ITPR1: variants seen among roughly 807,000 people sequenced by gnomAD.
ITPR1 encodes the protein inositol 1,4,5-trisphosphate-gated calcium channel ITPR1.
Under a neutral mutation model 318.4 loss-of-function variants are expected in ITPR1, and 96 were observed. The observed-to-expected ratio is 0.30, with a 90% CI of 0.26 to 0.36. The LOEUF (loss-of-function observed/expected upper bound fraction) is 0.36. Among genes scored for constraint, ITPR1 ranks in the 10% least tolerant of loss-of-function variants. ITPR1 has a pLI of 1.00. For synonymous variants in ITPR1, 1,312 were observed against 1,289.9 expected (o/e 1.02, Z -0.37); for missense variants, 2,440 against 3,460.2 (o/e 0.71, Z 7.40).
intron 4 of ITPR1, among the ~76,000 whole-genome samples, chr3:4,620,333 C>A (rs1259238215): frequency 6.6e-6 from 1 of 152,166 alleles, no homozygotes; most frequent in African/African-American, 2.4e-5. Flanking sequence ...TAGTCTCCTG[C>A]AGGGTTTGAG....
intron 4 of ITPR1, among the ~76,000 whole-genome samples, chr3:4,620,927 C>CG (rs1395180663): frequency 6.6e-6 from 1 of 152,026 alleles, no homozygotes; most frequent in Non-Finnish European, 1.5e-5. Context: ...CTGCCACCCC[C>CG]CACCCTCTGA....
intron 4 of ITPR1, among the ~76,000 whole-genome samples, chr3:4,598,569 C>T (rs1014796058): frequency 2.6e-5 from 4 of 152,050 alleles, no homozygotes; most frequent in Non-Finnish European, 5.9e-5. Flanking sequence ...TTGCAGTGAG[C>T]CATGATCACA....
rs2051762693 is a variant in ITPR1, at chr3:4,846,132, T to C, written c.8191-7T>C. On this transcript the variant is annotated splice_region_variant and splice_polypyrimidine_tract_variant and intron_variant, in intron 61 of 61. Coordinates refer to ENST00000649015, the MANE Select transcript of ITPR1 (RefSeq NM_001378452.1). ...GGGTCTAATGATGAAACTTTTTAAC[T>C]TTCCAGATGACAGAACAAAGGAAGC... 3 of 1,540,904 alleles carry C rather than the reference T, an allele frequency of 1.9e-6. No individual in the cohort carries two copies. The highest frequency in any genetic ancestry group is 2.4e-5 in the South Asian group (2 of 82,280).
At chr3:4,604,225 A>G (rs1395748600) in intron 4 of ITPR1, among the ~76,000 whole-genome samples, 1 of 152,132 alleles carries the variant, frequency 6.6e-6, no homozygotes, top group Non-Finnish European at 1.5e-5. Context: ...GAGGTTATGG[A>G]AGACTTCTGT....
chr3:4,763,511 T>C (rs558478331), intron 44 of ITPR1, among the ~76,000 whole-genome samples: 1 of 152,360 alleles, frequency 6.6e-6, no homozygotes, highest in South Asian at 2.1e-4. Flanking sequence ...GAGCCCAGCC[T>C]GGGACTCCTC....
chr3:4,571,656 C>A (rs939666587), intron 4 of ITPR1, among the ~76,000 whole-genome samples: 5 of 152,124 alleles, frequency 3.3e-5, no homozygotes, highest in African/African-American at 1.2e-4. Flanking sequence ...TTACCTACCA[C>A]ACGTGTTGTC....
intron 61 of ITPR1, among the ~76,000 whole-genome samples, chr3:4,837,707 C>T (rs2051029770): frequency 1.3e-5 from 2 of 152,008 alleles, no homozygotes; most frequent in Admixed American, 6.6e-5. Flanking sequence ...TCTGTTTCTG[C>T]CCTTTTGACT....
chr3:4,810,264 A>G (rs148364667), intron 55 of ITPR1, among the ~76,000 whole-genome samples: 156 of 152,346 alleles, frequency 1.0e-3, no homozygotes, highest in Middle Eastern at 6.8e-3. Flanking sequence ...GACAGCAGCC[A>G]GAGGCCATGC....
chr3:4,733,548 G>A (rs369642340), intron 43 of ITPR1, among the ~76,000 whole-genome samples: 7 of 152,206 alleles, frequency 4.6e-5, no homozygotes, highest in Non-Finnish European at 7.4e-5. Context: ...TTGTCTTTCC[G>A]TAAAATAATG....
chr3:4,815,985 T>TAC (rs10607666), intron 59 of ITPR1, among the ~76,000 whole-genome samples: 7,953 of 149,634 alleles, frequency 0.053, 360 homozygotes, highest in African/African-American at 0.12. Flanking sequence ...ATTTGCTTTA[T>TAC]ACACACACAC....
At chr3:4,496,340 C>T in intron 2 of ITPR1, among the ~76,000 whole-genome samples, 1 of 147,318 alleles carries the variant, frequency 6.8e-6, no homozygotes, top group South Asian at 2.2e-4. Flanking sequence ...TGTGTGTATG[C>T]ATATGTACAC....
intron 4 of ITPR1, among the ~76,000 whole-genome samples, chr3:4,531,529 G>A (rs966065709): frequency 1.3e-5 from 2 of 152,112 alleles, no homozygotes; most frequent in East Asian, 3.9e-4. Flanking sequence ...TTCCCCAGTT[G>A]TGCTCAGGAT....
rs1352334195 is a variant in ITPR1 at position 4,818,110 on chromosome 3, G to A, written c.7896G>A (p.Lys2632=). The A allele has an allele frequency of 6.2e-7, 1 of 1,604,640 alleles. No individual in the cohort carries two copies. The highest frequency in any genetic ancestry group is 2.2e-5 in the East Asian group (1 of 44,724). ...CGLERDKFDN[K]TVTFEEHIKE... ...TGGAAAGAGACAAGTTTGACAACAAGACTGTCACCTTTGAAGAGCACATCA... is the reference window on the plus strand; with the variant it reads ...TGGAAAGAGACAAGTTTGACAACAAAACTGTCACCTTTGAAGAGCACATCA... The change falls in exon 60 of 62, where the codon AAG becomes AAA. Residue 2632 remains lysine, a synonymous_variant. Coordinates refer to ENST00000649015, the MANE Select transcript of ITPR1 (RefSeq NM_001378452.1).
chr3:4,637,210 T>C (rs2093216887), intron 5 of ITPR1, among the ~76,000 whole-genome samples: 1 of 152,256 alleles, frequency 6.6e-6, no homozygotes, highest in Admixed American at 6.5e-5. Flanking sequence ...TTGAGTTTTT[T>C]CCCTTTGATA....
At chr3:4,595,439 T>C (rs2090730303) in intron 4 of ITPR1, among the ~76,000 whole-genome samples, 1 of 152,196 alleles carries the variant, frequency 6.6e-6, no homozygotes, top group Admixed American at 6.5e-5. Flanking sequence ...AAGCCATTCA[T>C]GAAGGATCCA....
intron 44 of ITPR1, among the ~76,000 whole-genome samples, chr3:4,748,914 C>G (rs1384540124): frequency 1.3e-5 from 2 of 152,170 alleles, no homozygotes; most frequent in East Asian, 1.9e-4. Context: ...CCAGCAGACC[C>G]TCGCTGTTCG....
intron 4 of ITPR1, among the ~76,000 whole-genome samples, chr3:4,540,645 T>C (rs2124974117): frequency 6.6e-6 from 1 of 152,348 alleles, no homozygotes; most frequent in Admixed American, 6.5e-5. Context: ...TGGAGTACAG[T>C]GGCTTGATCT....
At chr3:4,681,572 C>G in intron 26 of ITPR1, 154 bp downstream of exon 26, 1 of 610,162 alleles carries the variant, frequency 1.6e-6, no homozygotes, top group Non-Finnish European at 2.9e-6. Context: ...TCAGAGTTAA[C>G]TTGGTTGGCT....
intron 4 of ITPR1, among the ~76,000 whole-genome samples, chr3:4,615,291 C>A (rs1008470733): frequency 6.6e-6 from 1 of 151,740 alleles, no homozygotes; most frequent in African/African-American, 2.4e-5. Flanking sequence ...TACCTGTGTT[C>A]GGGCTACTGG....
Sources: gnomAD v4.1 joint callset for allele counts (sites outside exome capture counted in the v4.1 genomes callset) on GRCh38, gnomAD v4.1.1 for gene constraint, MANE v1.5 for transcripts, NCBI Gene and HGNC (gene_info 2026-07-23, HGNC 2026-07-21) for gene names.